MORC1: variants seen among roughly 807,000 people sequenced by gnomAD.
MORC1 encodes the protein MORC family CW-type zinc finger 1, also known as MORC family CW-type zinc finger protein 1.
MORC1 carries 59 observed loss-of-function variants against 134.9 expected under a neutral mutation model. The ratio of observed to expected loss-of-function variants is 0.44; its 90% CI spans 0.35 to 0.54. The LOEUF (loss-of-function observed/expected upper bound fraction) is 0.54, where lower values mean the gene tolerates loss of function less well. Among genes scored for constraint, MORC1 ranks in the 20% least tolerant of loss-of-function variants. The pLI is 0.00. For missense variants in MORC1, 947 were observed against 1,134.5 expected, an observed-to-expected ratio of 0.83 and a Z score of 2.37; for synonymous variants, 395 against 391.7, an observed-to-expected ratio of 1.01 and a Z score of -0.10.
intron 8 of MORC1, among the ~76,000 whole-genome samples, chr3:109,074,310 C>T (rs1950378020): frequency 6.6e-6 from 1 of 152,050 alleles, no homozygotes; most frequent in Admixed American, 6.6e-5. Context: ...AGGGGCTGTG[C>T]TTTTTTCTAG....
chr3:108,979,377 T>C (rs62272098), intron 24 of MORC1, 138 bp downstream of exon 24: 210,227 of 917,926 alleles, frequency 0.23, 26,553 homozygotes, highest in Middle Eastern at 0.3. Flanking sequence ...TAAATCAGCA[T>C]AGTTAGGAGA....
chr3:108,962,909 C>T (rs1947119109), intron 27 of MORC1, among the ~76,000 whole-genome samples: 1 of 151,964 alleles, frequency 6.6e-6, no homozygotes, highest in Non-Finnish European at 1.5e-5. Context: ...TTTATTTATG[C>T]ATTAAAATAA....
rs369997562 is a variant in MORC1 at position 109,098,342 on chromosome 3, T to A, written c.423+1016A>T. ...AAGCTATAATTAAGGGTTAGCCCAA[T>A]TTTCCATGCCCTTTACACACATAAC... On this transcript the variant is annotated intron_variant, in intron 6 of 27. Transcript: ENST00000232603. 3.9e-5 allele frequency among the ~76,000 whole-genome samples: 6 copies of A among 152,338 alleles called. No individual in the cohort carries two copies. The East Asian group carries it at 1.2e-3, about 29-fold the overall frequency.
At chr3:109,063,012 C>A in intron 10 of MORC1, 140 bp downstream of exon 10, 1 of 536,310 alleles carries the variant, frequency 1.9e-6, no homozygotes, top group Non-Finnish European at 3.3e-6. Flanking sequence ...TTTTGAAGTT[C>A]CATAGAGACA....
chr3:109,092,855 G>C (rs749630966), intron 8 of MORC1, among the ~76,000 whole-genome samples: 2 of 152,052 alleles, frequency 1.3e-5, no homozygotes, highest in Non-Finnish European at 2.9e-5. Context: ...CTGCAGGCTC[G>C]AGCTAAGTTG....
intron 14 of MORC1, among the ~76,000 whole-genome samples, chr3:109,037,330 T>A (rs528341312): frequency 4.6e-5 from 7 of 152,344 alleles, no homozygotes; most frequent in Admixed American, 4.6e-4. Context: ...ACAGTGGAAC[T>A]GTCTTGGTTC....
intron 22 of MORC1, among the ~76,000 whole-genome samples, chr3:108,986,033 C>G (rs996532445): frequency 6.6e-6 from 1 of 151,942 alleles, no homozygotes; most frequent in South Asian, 2.1e-4. Flanking sequence ...GAAGGAAAAA[C>G]GTGCCACCAA....
intron 14 of MORC1, among the ~76,000 whole-genome samples, chr3:109,050,497 C>T (rs1949799030): frequency 6.6e-6 from 1 of 152,148 alleles, no homozygotes. Context: ...GCTCTGCTCT[C>T]ATGATCTCAT....
chr3:109,032,542 T>C (rs536472615), intron 16 of MORC1, among the ~76,000 whole-genome samples, 178 bp downstream of exon 16: 5 of 152,192 alleles, frequency 3.3e-5, no homozygotes, highest in Non-Finnish European at 5.9e-5. Flanking sequence ...TATTACTTGA[T>C]GGAAAAGCAC....
At chr3:108,961,265 TAAC>T (rs1299061156) in intron 27 of MORC1, among the ~76,000 whole-genome samples, 2 of 152,208 alleles carry the variant, frequency 1.3e-5, no homozygotes, top group Non-Finnish European at 2.9e-5. Flanking sequence ...AGATTTGCTC[TAAC>T]AAGGCTGAAT....
intron 3 of MORC1, among the ~76,000 whole-genome samples, chr3:109,108,517 T>C (rs374769274): frequency 1.4e-3 from 211 of 152,284 alleles, no homozygotes; most frequent in African/African-American, 5.0e-3. Flanking sequence ...GTAATTCCCA[T>C]AGCCATACCT....
intron 8 of MORC1, among the ~76,000 whole-genome samples, chr3:109,090,460 A>T (rs1253588979): frequency 2.0e-5 from 3 of 151,886 alleles, no homozygotes; most frequent in Non-Finnish European, 4.4e-5. Flanking sequence ...TCTACTAAAA[A>T]TACAAAACAA....
At chr3:109,020,690 C>T (rs1039333359) in intron 17 of MORC1, among the ~76,000 whole-genome samples, 4 of 147,900 alleles carry the variant, frequency 2.7e-5, no homozygotes, top group Middle Eastern at 3.5e-3. Context: ...GGTGTGAACC[C>T]GGGGGCAGAG....
chr3:109,056,786 T>C (rs1254465207), intron 13 of MORC1, among the ~76,000 whole-genome samples: 1 of 152,188 alleles, frequency 6.6e-6, no homozygotes, highest in Non-Finnish European at 1.5e-5. Flanking sequence ...CATGATTACC[T>C]TGTCTGACCC....
chr3:109,036,721 A>G (rs867524749), intron 14 of MORC1, among the ~76,000 whole-genome samples: 24 of 152,194 alleles, frequency 1.6e-4, no homozygotes, highest in African/African-American at 5.3e-4. Flanking sequence ...CTCAGCTTTC[A>G]AAAGGGTCTT....
intron 21 of MORC1, among the ~76,000 whole-genome samples, chr3:108,996,630 G>T (rs1054077832): frequency 6.6e-6 from 1 of 152,176 alleles, no homozygotes; most frequent in Non-Finnish European, 1.5e-5. Context: ...TGATGTGCAA[G>T]GTCTTGCCAA....
At chr3:109,085,152 G>T (rs763294712) in intron 8 of MORC1, among the ~76,000 whole-genome samples, 1 of 151,900 alleles carries the variant, frequency 6.6e-6, no homozygotes, top group Non-Finnish European at 1.5e-5. Flanking sequence ...GTCTGTGTGT[G>T]TGTGTCTATC....
At chr3:108,989,485 A>T (rs1947987307) in intron 21 of MORC1, among the ~76,000 whole-genome samples, 1 of 152,222 alleles carries the variant, frequency 6.6e-6, no homozygotes, top group Non-Finnish European at 1.5e-5. Flanking sequence ...TCAATTTTGT[A>T]AAGTATCTAC....
Position 109,010,394 on chromosome 3 carries a change from T to C in MORC1, c.1705-3303A>G, listed in dbSNP as rs1007665174. 2.0e-5 allele frequency among the ~76,000 whole-genome samples: 3 copies of C among 152,356 alleles called. 1 individual carries two copies. On this transcript the variant is annotated intron_variant, in intron 17 of 27. Transcript: ENST00000232603. ...GTCTCAGCATCTCTTCATAAATCCT[T>C]ATATTTGTTTCAGAATCTTCTTTCA...
Sources: allele counts gnomAD v4.1 joint callset (sites outside exome capture counted in the v4.1 genomes callset), GRCh38; gene constraint gnomAD v4.1.1; transcripts MANE v1.5; gene names NCBI Gene and HGNC (gene_info 2026-07-23, HGNC 2026-07-21).